PARN: variants seen among roughly 807,000 people sequenced by gnomAD.
PARN encodes poly(A)-specific ribonuclease PARN.
Under a neutral mutation model 102.8 loss-of-function variants are expected in PARN, and 71 were observed. The ratio of observed to expected loss-of-function variants is 0.69; its 90% confidence interval spans 0.57 to 0.84. The LOEUF (loss-of-function observed/expected upper bound fraction) is 0.84. Ranked by LOEUF, PARN falls within the 40% of genes least tolerant of loss-of-function variation. The pLI is 0.00. For missense variants in PARN, 782 were observed against 760.9 expected, an observed-to-expected ratio of 1.03 and a Z score of -0.33; for synonymous variants, 261 against 252.9, an observed-to-expected ratio of 1.03 and a Z score of -0.30.
chr16:14,629,678 C>T lies in PARN; in HGVS notation c.20-4G>A. On this transcript the variant is annotated splice_polypyrimidine_tract_variant and splice_region_variant and intron_variant, in intron 1 of 23. Coordinates refer to ENST00000437198, the MANE Select transcript of PARN (RefSeq NM_002582.4). ...TTGTGAAGATTACTCTTAAAATCTG[C>T]GGAGAAACCGAAAAGAGGCTCAGAA... 6.2e-7 allele frequency: 1 copy of T among 1,608,442 alleles called. No homozygotes were observed. The highest frequency in any genetic ancestry group is 1.3e-5 in the African/African-American group (1 of 74,938).
chr16:14,617,879 AT>A (rs900833111), intron 5 of PARN, among the ~76,000 whole-genome samples: 31 of 149,698 alleles, frequency 2.1e-4, no homozygotes, highest in East Asian at 5.8e-4. Context: ...TTGTTTCACA[AT>A]TTTTTTTTTA....
At chr16:14,477,199 G>C (rs1437632128) in intron 22 of PARN, among the ~76,000 whole-genome samples, 1 of 152,138 alleles carries the variant, frequency 6.6e-6, no homozygotes, top group African/African-American at 2.4e-5. Flanking sequence ...CAGCACTTTG[G>C]GAGGTCAAGG....
chr16:14,606,662 T>C, intron 9 of PARN, 136 bp from the exon 10 acceptor site: 1 of 472,976 alleles, frequency 2.1e-6, no homozygotes, highest in Non-Finnish European at 3.8e-6. Context: ...CAATGGAGAC[T>C]TTACAGCACA....
intron 21 of PARN, among the ~76,000 whole-genome samples, chr16:14,519,491 C>A (rs1297822254): frequency 4.6e-5 from 7 of 152,074 alleles, no homozygotes; most frequent in Admixed American, 6.5e-5. Flanking sequence ...AACCAGAGCT[C>A]TTTGTAGAAG....
chr16:14,486,280 T>C (rs539003659), intron 21 of PARN, among the ~76,000 whole-genome samples: 1 of 152,194 alleles, frequency 6.6e-6, no homozygotes, highest in Non-Finnish European at 1.5e-5. Context: ...GGTGAGAGGA[T>C]TGACTGAGCC....
chr16:14,503,789 A>G (rs144706983), intron 21 of PARN, among the ~76,000 whole-genome samples: 16 of 152,340 alleles, frequency 1.1e-4, no homozygotes, highest in African/African-American at 3.6e-4. Context: ...TTATACAGAA[A>G]ACTGAAGACC....
chr16:14,472,858 T>TC (rs1351257482), intron 22 of PARN, among the ~76,000 whole-genome samples: 1 of 152,232 alleles, frequency 6.6e-6, no homozygotes, highest in African/African-American at 2.4e-5. Flanking sequence ...ATACACTTTC[T>TC]TCTCAATGTC....
At chr16:14,451,867 TACAA>T (rs1961466787) in intron 22 of PARN, among the ~76,000 whole-genome samples, 2 of 23,744 alleles carry the variant, frequency 8.4e-5, no homozygotes, top group Non-Finnish European at 1.5e-4. Flanking sequence ...AAAAAAAAAA[TACAA>T]AAAAAAAAAA....
Position 14,604,183 on chromosome 16 carries a change from C to A in PARN, c.746G>T (p.Arg249Leu). 1.2e-6 allele frequency: 2 copies of A among 1,601,410 alleles called. No homozygotes were observed. The highest frequency in any genetic ancestry group is 1.7e-6 in the Non-Finnish European group (2 of 1,172,332). Residue 249 changes from arginine to leucine, a missense_variant, in exon 11 of 24, where the codon CGC becomes CTC. Coordinates refer to ENST00000437198, the MANE Select transcript of PARN (RefSeq NM_002582.4). ...ATGTTTCTGCTGCTCTCTTCTTTTG[C>A]GTTCTTCTTCATCTACTTTGCTGAT... ...IVISKVDEEE[R>L]KRREQQKHAK...
intron 5 of PARN, among the ~76,000 whole-genome samples, chr16:14,618,998 C>G (rs1197915765): frequency 6.7e-6 from 1 of 150,106 alleles, no homozygotes; most frequent in Non-Finnish European, 1.5e-5. Flanking sequence ...GAGTTAAAGA[C>G]CAGCTTGGGC....
intron 21 of PARN, chr16:14,501,435 C>CAAAAAAAAAAAGAAAAAAAAAA (rs1964594630): frequency 3.6e-5 from 1 of 27,592 alleles, no homozygotes; most frequent in Non-Finnish European, 8.2e-5. Context: ...CAAGACTGTC[C>CAAAAAAAAAAAGAAAAAAAAAA]AAAAAAAAAA....
At chr16:14,571,518 G>C (rs1387131456) in intron 18 of PARN, among the ~76,000 whole-genome samples, 1 of 152,160 alleles carries the variant, frequency 6.6e-6, no homozygotes, top group African/African-American at 2.4e-5. Context: ...GGTCTCCTCT[G>C]CTTTCTGGTC....
At chr16:14,528,076 G>A (rs1567349696) in intron 21 of PARN, among the ~76,000 whole-genome samples, 1 of 152,188 alleles carries the variant, frequency 6.6e-6, no homozygotes. Flanking sequence ...TGAATAATGA[G>A]GACTGACTGT....
intron 18 of PARN, among the ~76,000 whole-genome samples, chr16:14,565,556 T>C (rs899449624): frequency 6.6e-6 from 1 of 152,176 alleles, no homozygotes; most frequent in African/African-American, 2.4e-5. Context: ...TAAAACAACA[T>C]ACTGTAAAGT....
rs1449054582 is a variant in PARN, at chr16:14,435,999, CAG to C, written c.*716_*717del. 6.6e-6 allele frequency: 1 copy of C among 151,920 alleles called. No homozygotes were observed. The highest frequency in any genetic ancestry group is 1.5e-5 in the Non-Finnish European group (1 of 68,158). 9.4% of individuals were successfully genotyped at this position (151,920 alleles called of 1,614,324 possible). ...CGAGACCGCCATCCAAACAAACGAACAGAGACTCTGGAAAGTGAACACAGCGC... is the reference window on the plus strand; with the variant it reads ...CGAGACCGCCATCCAAACAAACGAACAGACTCTGGAAAGTGAACACAGCGC... On this transcript the variant is annotated 3_prime_UTR_variant, in exon 24 of 24. Transcript: ENST00000437198.
rs368674962 is a variant in PARN at position 14,610,426 on chromosome 16, T to C, written c.554+218A>G. 3.3e-5 allele frequency among the ~76,000 whole-genome samples: 5 copies of C among 151,070 alleles called. No individual in the cohort carries two copies. The East Asian group carries it at 9.7e-4, about 29-fold the overall frequency. On this transcript the variant is annotated intron_variant, in intron 7 of 23. Transcript: ENST00000437198. ...AGGCAGAGGTTGCAGTAAGCCAGGA[T>C]TGCACCAATGCACTCCAGCCTGGGC...
chr16:14,579,740 T>C (rs955417998), intron 18 of PARN, among the ~76,000 whole-genome samples: 1 of 152,064 alleles, frequency 6.6e-6, no homozygotes, highest in Admixed American at 6.6e-5. Context: ...TTTGGGAGGC[T>C]GAGGTGGGCA....
At chr16:14,465,852 A>C (rs1962311653) in intron 22 of PARN, among the ~76,000 whole-genome samples, 1 of 152,212 alleles carries the variant, frequency 6.6e-6, no homozygotes, top group African/African-American at 2.4e-5. Context: ...AAAATCAAGA[A>C]GTATGGATGG....
intron 21 of PARN, among the ~76,000 whole-genome samples, chr16:14,498,804 C>T (rs945326248): frequency 1.3e-5 from 2 of 152,360 alleles, no homozygotes; most frequent in East Asian, 1.9e-4. Context: ...AAGAGTTACA[C>T]TTCTCCAAAA....
Sources: gnomAD v4.1 joint callset for allele counts (sites outside exome capture counted in the v4.1 genomes callset) on GRCh38, gnomAD v4.1.1 for gene constraint, MANE v1.5 for transcripts, NCBI Gene and HGNC (gene_info 2026-07-23, HGNC 2026-07-21) for gene names.